The following LUZP2 variants were observed in gnomAD, a reference collection of about 807,000 sequenced individuals.
LUZP2 encodes the protein leucine zipper protein 2.
Under a neutral mutation model 51.6 loss-of-function variants are expected in LUZP2, and 52 were observed. The observed-to-expected ratio is 1.01, with a 90% confidence interval of 0.81 to 1.27. The LOEUF (loss-of-function observed/expected upper bound fraction) is 1.27. LUZP2 is among the 50% of genes most tolerant of loss of function. LUZP2 has a pLI of 0.00. For synonymous variants in LUZP2, 154 were observed against 137.3 expected (o/e 1.12, Z -0.85); for missense variants, 436 against 395.4 (o/e 1.10, Z -0.87).
chr11:24,669,124 G>A (rs1856315244), intron 1 of LUZP2, among the ~76,000 whole-genome samples: 2 of 152,152 alleles, frequency 1.3e-5, no homozygotes, highest in Non-Finnish European at 2.9e-5. Context: ...AGCTCTGACA[G>A]TAACTACCTT....
chr11:24,752,152 C>T (rs1859615593), intron 4 of LUZP2, among the ~76,000 whole-genome samples: 1 of 151,922 alleles, frequency 6.6e-6, no homozygotes, highest in African/African-American at 2.4e-5. Flanking sequence ...TAAAAGCACA[C>T]ATATAAATAA....
intron 3 of LUZP2, among the ~76,000 whole-genome samples, chr11:24,736,467 AGGTCCTTCCTTCCTTC>A (rs1858940392): frequency 1.4e-5 from 2 of 140,942 alleles, no homozygotes; most frequent in Admixed American, 7.4e-5. Flanking sequence ...GATAACATGT[AGGTCCTTCCTTCCTTC>A]CTTCCTTCCT....
intron 3 of LUZP2, among the ~76,000 whole-genome samples, chr11:24,736,507 CCTTCCTTCCTTCCT>C (rs1452323394): frequency 1.6e-5 from 2 of 127,022 alleles, no homozygotes; most frequent in Non-Finnish European, 3.6e-5. Context: ...TTCCTTCCTT[CCTTCCTTCCTTCCT>C]TCTCAGTAGA....
At chr11:24,694,353 T>G (rs1857174409) in intron 1 of LUZP2, among the ~76,000 whole-genome samples, 1 of 152,144 alleles carries the variant, frequency 6.6e-6, no homozygotes, top group Admixed American at 6.6e-5. Flanking sequence ...GGCCTTTGCT[T>G]AAATCTTACT....
intron 5 of LUZP2, among the ~76,000 whole-genome samples, chr11:24,866,951 A>G (rs1217285970): frequency 1.3e-5 from 2 of 152,186 alleles, no homozygotes; most frequent in Non-Finnish European, 2.9e-5. Flanking sequence ...GGAGGTAAGC[A>G]GCGGCTGCTA....
chr11:24,767,517 A>T (rs556197032), intron 5 of LUZP2, among the ~76,000 whole-genome samples: 5 of 152,316 alleles, frequency 3.3e-5, no homozygotes, highest in African/African-American at 1.2e-4. Flanking sequence ...CCCACTGGAA[A>T]ATCTCTAGTT....
intron 1 of LUZP2, among the ~76,000 whole-genome samples, chr11:24,698,770 A>C (rs1857328636): frequency 6.6e-6 from 1 of 151,966 alleles, no homozygotes; most frequent in Non-Finnish European, 1.5e-5. Flanking sequence ...CCTTCTTAAA[A>C]CCAGTTATCC....
intron 1 of LUZP2, among the ~76,000 whole-genome samples, chr11:24,506,685 G>T (rs1426423552): frequency 6.6e-6 from 1 of 152,032 alleles, no homozygotes; most frequent in Non-Finnish European, 1.5e-5. Context: ...AGAAGTGCTA[G>T]CTACTTACTC....
chr11:24,591,042 G>C (rs149670961), intron 1 of LUZP2, among the ~76,000 whole-genome samples: 28 of 152,318 alleles, frequency 1.8e-4, no homozygotes, highest in Admixed American at 7.2e-4. Context: ...CCAGGAGGTT[G>C]AGGTTACAGT....
At chr11:24,626,549 G>T (rs1225438199) in intron 1 of LUZP2, among the ~76,000 whole-genome samples, 2 of 152,102 alleles carry the variant, frequency 1.3e-5, no homozygotes, top group African/African-American at 4.8e-5. Flanking sequence ...TAGCCTTTCA[G>T]TCAGTTGTAA....
At chr11:25,040,901 G>A (rs908272825) in intron 9 of LUZP2, among the ~76,000 whole-genome samples, 5 of 152,098 alleles carry the variant, frequency 3.3e-5, no homozygotes, top group African/African-American at 4.8e-5. Context: ...TCCACTGCAT[G>A]TGTGGACTTT....
At chr11:24,779,317 TTAGAA>T (rs1849024565) in intron 5 of LUZP2, among the ~76,000 whole-genome samples, 1 of 152,286 alleles carries the variant, frequency 6.6e-6, no homozygotes, top group Admixed American at 6.5e-5. Context: ...ATGCCAGTGC[TTAGAA>T]GACAAAAAAT....
chr11:25,062,354 G>A (rs1224608446), intron 10 of LUZP2, among the ~76,000 whole-genome samples: 1 of 151,254 alleles, frequency 6.6e-6, no homozygotes, highest in Admixed American at 6.6e-5. Flanking sequence ...GGAGGCCGAG[G>A]TAGGCAGATC....
intron 10 of LUZP2, among the ~76,000 whole-genome samples, chr11:25,052,074 A>G (rs1310460424): frequency 6.6e-6 from 1 of 152,162 alleles, no homozygotes; most frequent in Non-Finnish European, 1.5e-5. Flanking sequence ...GAACAAATAT[A>G]AATGTTATTT....
chr11:25,061,671 C>A (rs989016491), intron 10 of LUZP2, among the ~76,000 whole-genome samples: 1 of 152,038 alleles, frequency 6.6e-6, no homozygotes, highest in Non-Finnish European at 1.5e-5. Context: ...TTGTACTACT[C>A]TTTGTATTGT....
At chr11:24,828,913 T>C (rs1424345482) in intron 5 of LUZP2, among the ~76,000 whole-genome samples, 3 of 152,192 alleles carry the variant, frequency 2.0e-5, no homozygotes, top group African/African-American at 7.2e-5. Flanking sequence ...CTGAGATCTC[T>C]GCAGGTAGGA....
At chr11:24,551,750 G>A (rs1297001497) in intron 1 of LUZP2, among the ~76,000 whole-genome samples, 2 of 151,990 alleles carry the variant, frequency 1.3e-5, no homozygotes, top group Non-Finnish European at 2.9e-5. Context: ...GAAGAATAAA[G>A]TAGGTAATAG....
At chr11:24,634,677 G>C (rs74978620) in intron 1 of LUZP2, among the ~76,000 whole-genome samples, 30,371 of 151,544 alleles carry the variant, frequency 0.2, 3,268 homozygotes, top group Middle Eastern at 0.28. Context: ...CCATAGAGCT[G>C]TTTGTTTTGC....
At position 24,518,180 on chromosome 11, in the gene LUZP2, TAA is replaced by T. The variant is rs202219359; in HGVS notation, c.62+20876_62+20877del. On this transcript the variant is annotated intron_variant, in intron 1 of 11. Transcript: ENST00000336930. ...AGTGTTAGGTATGACCTCATTTAAT[TAA>T]GTTAGATAATTTATATAAATGAGAT... Among the ~76,000 whole-genome samples, 393 of 150,748 alleles carry T rather than the reference TAA, an allele frequency of 2.6e-3. 1 individual carries two copies. Among genetic ancestry groups the T allele is most frequent in the African/African-American group, 9.5e-3 (380 of 40,098 alleles).
Sources: allele counts gnomAD v4.1 joint callset (sites outside exome capture counted in the v4.1 genomes callset), GRCh38; gene constraint gnomAD v4.1.1; transcripts MANE v1.5; gene names NCBI Gene and HGNC (gene_info 2026-07-23, HGNC 2026-07-21).